GRIK4: variants seen among roughly 807,000 people sequenced by gnomAD.
The protein encoded by GRIK4 is glutamate receptor ionotropic, kainate 4.
In GRIK4, 40 loss-of-function variants were observed where a neutral mutation model predicts 104.9. That is an observed-to-expected ratio of 0.38 (90% CI 0.30 to 0.50). The LOEUF (loss-of-function observed/expected upper bound fraction) is 0.50. Ranked by LOEUF, GRIK4 falls within the 20% of genes least tolerant of loss-of-function variation. GRIK4 has a pLI of 0.93. For missense variants in GRIK4, 1,047 were observed against 1,308.1 expected, an observed-to-expected ratio of 0.80 and a Z score of 3.08; for synonymous variants, 485 against 524.9, an observed-to-expected ratio of 0.92 and a Z score of 1.04.
At chr11:120,796,376 G>T (rs1424275013) in intron 3 of GRIK4, among the ~76,000 whole-genome samples, 1 of 152,152 alleles carries the variant, frequency 6.6e-6, no homozygotes, top group Non-Finnish European at 1.5e-5. Context: ...TGAATCTGCA[G>T]ATGCAGAACC....
chr11:120,882,221 G>C (rs986050037), intron 11 of GRIK4, among the ~76,000 whole-genome samples: 2 of 152,148 alleles, frequency 1.3e-5, no homozygotes, highest in Non-Finnish European at 2.9e-5. Flanking sequence ...GGCTATTAAG[G>C]CTCAGACAGG....
At chr11:120,857,502 GCACACACA>G (rs60629273) in intron 8 of GRIK4, among the ~76,000 whole-genome samples, 2,304 of 150,106 alleles carry the variant, frequency 0.015, 19 homozygotes, top group Middle Eastern at 0.024. Context: ...ATGCACACAT[GCACACACA>G]CACACACACA....
intron 6 of GRIK4, among the ~76,000 whole-genome samples, chr11:120,821,367 A>G (rs1953123242): frequency 6.6e-6 from 1 of 152,180 alleles, no homozygotes; most frequent in Admixed American, 6.5e-5. Flanking sequence ...GGAGCAAGAG[A>G]GGGAGGCAGG....
intron 7 of GRIK4, among the ~76,000 whole-genome samples, chr11:120,834,636 G>A (rs1392904758): frequency 6.6e-6 from 1 of 152,186 alleles, no homozygotes; most frequent in East Asian, 1.9e-4. Context: ...GGGAGCACAC[G>A]GGGCCTCTGG....
intron 3 of GRIK4, among the ~76,000 whole-genome samples, chr11:120,662,922 T>G (rs1387500487): frequency 1.3e-5 from 2 of 152,102 alleles, no homozygotes; most frequent in African/African-American, 4.8e-5. Context: ...GTGATGGCTG[T>G]TTTTCATTCA....
rs1339951484 is a variant in GRIK4, at chr11:120,939,907, G to C, written c.1477-440G>C. Among the ~76,000 whole-genome samples the C allele has an allele frequency of 1.3e-5, 2 of 151,998 alleles. No homozygotes were observed. Among genetic ancestry groups the C allele is most frequent in the African/African-American group, 4.8e-5 (2 of 41,386 alleles). On this transcript the variant is annotated intron_variant, in intron 13 of 20. Coordinates refer to ENST00000527524, the MANE Select transcript of GRIK4 (RefSeq NM_014619.5). The surrounding 1 kb of genome is among the most constrained non-coding windows in gnomAD (Gnocchi z 5.6). ...AGGCAGGAGAATCGCTTGAACTCAG[G>C]AGGCAGAGGTTGCGGCGAGCCGAGA...
At chr11:120,984,797 A>AAACAAACAAACAAAC (rs113005281) in intron 20 of GRIK4, among the ~76,000 whole-genome samples, 1 of 148,606 alleles carries the variant, frequency 6.7e-6, no homozygotes, top group African/African-American at 2.5e-5. Context: ...ACAAACAAAC[A>AAACAAACAAACAAAC]AAAATGCAGG....
chr11:120,633,304 G>A (rs190159047), intron 1 of GRIK4, among the ~76,000 whole-genome samples: 1 of 152,294 alleles, frequency 6.6e-6, no homozygotes, highest in Non-Finnish European at 1.5e-5. Context: ...GACACAGTGA[G>A]TGCAGGGCCA....
At chr11:120,823,735 G>A (rs1325593645) in intron 6 of GRIK4, among the ~76,000 whole-genome samples, 1 of 152,228 alleles carries the variant, frequency 6.6e-6, no homozygotes, top group African/African-American at 2.4e-5. Flanking sequence ...GAGCAGGGGT[G>A]CAGGACAGCT....
intron 3 of GRIK4, among the ~76,000 whole-genome samples, chr11:120,661,382 CAA>C (rs1949812163): frequency 6.7e-6 from 1 of 149,776 alleles, no homozygotes. Context: ...TAGAGGAACT[CAA>C]ATACCAGGCA....
chr11:120,624,897 G>A (rs1949237931), intron 1 of GRIK4, among the ~76,000 whole-genome samples: 1 of 152,172 alleles, frequency 6.6e-6, no homozygotes, highest in Admixed American at 6.5e-5. Context: ...GCAGATTTAA[G>A]AGATTTAAGA....
intron 2 of GRIK4, among the ~76,000 whole-genome samples, chr11:120,655,843 A>G (rs1247501493): frequency 2.0e-5 from 3 of 152,186 alleles, no homozygotes; most frequent in Non-Finnish European, 4.4e-5. Flanking sequence ...GAGGAGGAGC[A>G]GGTGGCGGGC....
intron 11 of GRIK4, among the ~76,000 whole-genome samples, chr11:120,883,482 C>T (rs1955026574): frequency 6.6e-6 from 1 of 152,232 alleles, no homozygotes. Flanking sequence ...AATACTTTCT[C>T]CTGTGAGTGA....
chr11:120,563,296 A>G (rs1948264286), intron 1 of GRIK4, among the ~76,000 whole-genome samples: 1 of 152,132 alleles, frequency 6.6e-6, no homozygotes, highest in African/African-American at 2.4e-5. Context: ...GCGGCTGCCT[A>G]GCAGCCCTCA....
At chr11:120,969,595 C>T (rs536716950) in intron 19 of GRIK4, among the ~76,000 whole-genome samples, 6 of 152,144 alleles carry the variant, frequency 3.9e-5, no homozygotes, top group Non-Finnish European at 8.8e-5. Flanking sequence ...GGATTGGAAA[C>T]ATGTGACTGG....
chr11:120,662,892 C>T (rs1289577665), intron 3 of GRIK4, among the ~76,000 whole-genome samples: 6 of 152,186 alleles, frequency 3.9e-5, no homozygotes, highest in South Asian at 2.1e-4. Flanking sequence ...AAGAGGTGGC[C>T]GAACCCATTA....
intron 1 of GRIK4, among the ~76,000 whole-genome samples, chr11:120,604,449 G>A (rs1948931403): frequency 6.6e-6 from 1 of 152,228 alleles, no homozygotes; most frequent in African/African-American, 2.4e-5. Context: ...ATGCTACCAA[G>A]GTGGCTTTCC....
intron 6 of GRIK4, among the ~76,000 whole-genome samples, chr11:120,827,291 C>T (rs1591963501): frequency 6.6e-6 from 1 of 152,262 alleles, no homozygotes; most frequent in East Asian, 1.9e-4. Context: ...CCTCCCACCC[C>T]TCTTGGCCCC....
intron 1 of GRIK4, among the ~76,000 whole-genome samples, chr11:120,541,036 C>G (rs1321212660): frequency 1.3e-5 from 2 of 152,264 alleles, no homozygotes; most frequent in Non-Finnish European, 2.9e-5. Context: ...CCCAGCCTCT[C>G]TCTCCAGCAT....
Sources: gnomAD v4.1 joint callset for allele counts (sites outside exome capture counted in the v4.1 genomes callset) on GRCh38, gnomAD v4.1.1 for gene constraint, Gnocchi (gnomAD v3.1) non-coding constraint, MANE v1.5 for transcripts, NCBI Gene and HGNC (gene_info 2026-07-23, HGNC 2026-07-21) for gene names.